ATG2B: variants seen among roughly 807,000 people sequenced by gnomAD.
ATG2B encodes the protein autophagy related 2B.
Under a neutral mutation model 241.3 loss-of-function variants are expected in ATG2B, and 121 were observed. The observed-to-expected ratio is 0.50, with a 90% confidence interval of 0.43 to 0.58. ATG2B has a LOEUF of 0.58. ATG2B is among the 20% of genes least tolerant of loss of function. The probability of loss-of-function intolerance (pLI) is 0.00; values close to 1 mark genes in which losing one functional copy is unlikely to be tolerated. For missense variants in ATG2B, 2,306 were observed against 2,491.6 expected (o/e 0.93, Z 1.59); for synonymous variants, 858 against 876.6 (o/e 0.98, Z 0.37).
chr14:96,295,422 TAAC>T lies in ATG2B; in HGVS notation c.5218+57_5218+59del, dbSNP rs1886610345. The T allele has an allele frequency of 1.7e-5, 20 of 1,201,132 alleles. No homozygotes were observed. In the South Asian group the frequency reaches 1.7e-4, roughly 10 times the overall value. 74.4% of individuals were successfully genotyped at this position (1,201,132 alleles called of 1,614,324 possible). A position where few individuals can be genotyped will look rare whatever the true frequency, so the allele number is the denominator to read the frequency against. Reference sequence around the variant, plus strand: ...TAAGTACATTCTCAAAAAAGCCTCATAACAATTAAAATCAATCCAAGTACTTGG... The same window carrying T: ...TAAGTACATTCTCAAAAAAGCCTCATAATTAAAATCAATCCAAGTACTTGG... On this transcript the variant is annotated intron_variant, in intron 35 of 41. Transcript: ENST00000359933.
intron 18 of ATG2B, among the ~76,000 whole-genome samples, chr14:96,318,966 A>C (rs1283065066): frequency 6.6e-6 from 1 of 152,196 alleles, no homozygotes; most frequent in Non-Finnish European, 1.5e-5. Context: ...TGTGCCTAGC[A>C]CAGTGGCTGT....
intron 36 of ATG2B, among the ~76,000 whole-genome samples, chr14:96,294,456 G>A (rs941103109): frequency 6.6e-6 from 1 of 152,190 alleles, no homozygotes; most frequent in African/African-American, 2.4e-5. Flanking sequence ...CACAGCCGAC[G>A]GCAGCAGCAC....
At chr14:96,349,945 G>A (rs1888269995) in intron 1 of ATG2B, among the ~76,000 whole-genome samples, 2 of 152,080 alleles carry the variant, frequency 1.3e-5, no homozygotes, top group South Asian at 2.1e-4. Context: ...ATCTTGAGCT[G>A]AGCAGTTTGA....
chr14:96,359,026 T>C (rs1251401946), intron 1 of ATG2B, among the ~76,000 whole-genome samples: 1 of 152,176 alleles, frequency 6.6e-6, no homozygotes, highest in African/African-American at 2.4e-5. Context: ...ATAATTTTAT[T>C]AAACACCAAG....
At position 96,341,696 on chromosome 14, in the gene ATG2B, A is replaced by T. The variant is rs1888041326; in HGVS notation, c.750T>A (p.Thr250=). 6.4e-7 allele frequency: 1 copy of T among 1,553,670 alleles called. No individual in the cohort carries two copies. Among genetic ancestry groups the T allele is most frequent in the Middle Eastern group, 1.7e-4 (1 of 5,806 alleles). The change falls in exon 6 of 42, where the codon ACT becomes ACA. Residue 250 remains threonine (T), a synonymous_variant. Coordinates refer to ENST00000359933, the MANE Select transcript of ATG2B (RefSeq NM_018036.7). ...TCCAGCTAGGTGAGAGCTTTGGCTC[A>T]GTTTCCTACAATAAAGTGACAAAAA... ...SPVCSTAPVE[T]EPKLSPSWNP... is the part of the protein sequence containing the mutation.
rs1886262558 is a variant in ATG2B, at chr14:96,283,711, A to G, written c.*2044T>C. On this transcript the variant is annotated 3_prime_UTR_variant, in exon 42 of 42. Transcript: ENST00000359933. ...TGTAAAAAAGAAAAAGCTTAAGGAC[A>G]TTTAATAATGTAGAAGTGTTCCGAT... 1 of 152,224 alleles carries G rather than the reference A, an allele frequency of 6.6e-6. No homozygotes were observed. The highest frequency in any genetic ancestry group is 1.5e-5 in the Non-Finnish European group (1 of 68,036). The allele number at this position is 152,224 out of a possible 1,614,324, so 9.4% of individuals were successfully genotyped here. A position where few individuals can be genotyped will look rare whatever the true frequency, so the allele number is the denominator to read the frequency against.
At chr14:96,338,323 T>C (rs981828724) in intron 6 of ATG2B, among the ~76,000 whole-genome samples, 4 of 152,152 alleles carry the variant, frequency 2.6e-5, no homozygotes, top group African/African-American at 9.7e-5. Context: ...CAGTACTATG[T>C]TGAATAGAAG....
At chr14:96,341,819 G>T in intron 5 of ATG2B, 118 bp from the exon 6 acceptor site, 2 of 813,636 alleles carry the variant, frequency 2.5e-6, no homozygotes, top group Non-Finnish European at 3.6e-6. Flanking sequence ...ACTGTATGAT[G>T]TTACAATGGA....
In ATG2B at chr14:96,308,243, TATATATATACACAC is replaced by T. The variant is rs199897056; in HGVS notation, c.4303+1196_4303+1209del. 7.4e-3 allele frequency among the ~76,000 whole-genome samples: 157 copies of T among 21,202 alleles called. 2 individuals are homozygous for T. The highest frequency in any genetic ancestry group is 1.0e-2 in the Non-Finnish European group (110 of 11,016). 13.9% of individuals were successfully genotyped at this position (21,202 alleles called of 152,430 possible). On this transcript the variant is annotated intron_variant, in intron 29 of 41. Coordinates refer to ENST00000359933, the MANE Select transcript of ATG2B (RefSeq NM_018036.7). ...AAATATATATATACATATATATATATATATATATACACACATATATATATATATATATATATATA... is the reference window on the plus strand; with the variant it reads ...AAATATATATATACATATATATATATATATATATATATATATATATATATA...
chr14:96,347,447 T>A, intron 1 of ATG2B, 106 bp from the exon 2 acceptor site: 1 of 810,988 alleles, frequency 1.2e-6, no homozygotes, highest in Non-Finnish European at 1.8e-6. Context: ...GCACTAGGTA[T>A]AAAGAAAGCA....
At chr14:96,302,161 T>TTC (rs1886810802) in intron 33 of ATG2B, 53 bp from the exon 34 acceptor site, 2 of 1,128,098 alleles carry the variant, frequency 1.8e-6, no homozygotes, top group Non-Finnish European at 2.6e-6. Flanking sequence ...GATGACCTTC[T>TTC]TCTCTTTAAA....
chr14:96,302,251 T>A (rs1886813202), intron 33 of ATG2B, 143 bp from the exon 34 acceptor site: 1 of 609,488 alleles, frequency 1.6e-6, no homozygotes, highest in Non-Finnish European at 2.8e-6. Context: ...TCCTTAAAAG[T>A]CTGAATCAAA....
At chr14:96,317,963 G>A (rs1001310708) in intron 18 of ATG2B, 108 bp from the exon 19 acceptor site, 19 of 764,048 alleles carry the variant, frequency 2.5e-5, no homozygotes, top group South Asian at 3.0e-5. Context: ...TTTTTTAAAC[G>A]GCAAAATGGA....
Position 96,322,268 on chromosome 14 carries a change from G to A in ATG2B, c.2737-14C>T. 1 of 1,576,830 alleles carries A rather than the reference G, an allele frequency of 6.3e-7. No individual in the cohort carries two copies. The highest frequency in any genetic ancestry group is 1.4e-5 in the African/African-American group (1 of 72,038). On this transcript the variant is annotated splice_polypyrimidine_tract_variant and intron_variant, in intron 17 of 41. Coordinates refer to ENST00000359933, the MANE Select transcript of ATG2B (RefSeq NM_018036.7). Reference sequence around the variant, plus strand: ...TGGCATCACCATCTAAAACATAATAGTTCAGTGCAAAAAAAAAGGCATCCA... The same window carrying A: ...TGGCATCACCATCTAAAACATAATAATTCAGTGCAAAAAAAAAGGCATCCA...
intron 41 of ATG2B, among the ~76,000 whole-genome samples, chr14:96,286,803 C>T (rs1886346051): frequency 6.6e-6 from 1 of 152,038 alleles, no homozygotes; most frequent in Admixed American, 6.5e-5. Context: ...ATTGTGACAG[C>T]TTCAGTGATG....
rs142045987 is a variant in ATG2B, at chr14:96,361,724, G to A, written c.162+1091C>T. Among the ~76,000 whole-genome samples the A allele has an allele frequency of 5.4e-3, 816 of 152,094 alleles. 28 individuals are homozygous for A. The South Asian group carries it at 0.067, about 13-fold the overall frequency. ...TGGCGGTCTGGAGAGTCTCTCCAGG[G>A]GTAGGACTCTCACCTCCTGGTGAGC... On this transcript the variant is annotated intron_variant, in intron 1 of 41. Coordinates refer to ENST00000359933, the MANE Select transcript of ATG2B (RefSeq NM_018036.7).
In ATG2B at chr14:96,358,835, C is replaced by CAGCAAAT. The variant is rs1040937120; in HGVS notation, c.162+3973_162+3979dup. On this transcript the variant is annotated intron_variant, in intron 1 of 41. Coordinates refer to ENST00000359933, the MANE Select transcript of ATG2B (RefSeq NM_018036.7). ...TAAAAGTGGAGACACCTGAACTACT[C>CAGCAAAT]AGCAAATAAATGCCCCACCATAGAG... Among the ~76,000 whole-genome samples the CAGCAAAT allele has an allele frequency of 4.2e-4, 64 of 152,142 alleles. 1 individual carries two copies. Among genetic ancestry groups the CAGCAAAT allele is most frequent in the Middle Eastern group, 6.8e-3 (2 of 294 alleles).
intron 12 of ATG2B, among the ~76,000 whole-genome samples, 178 bp from the exon 13 acceptor site, chr14:96,328,944 G>C (rs931899442): frequency 6.6e-6 from 1 of 152,202 alleles, no homozygotes; most frequent in Admixed American, 6.5e-5. Flanking sequence ...TATCTCATCT[G>C]TAAAATGTAG....
chr14:96,297,656 C>T (rs1260786447), intron 34 of ATG2B, among the ~76,000 whole-genome samples: 2 of 152,156 alleles, frequency 1.3e-5, no homozygotes, highest in African/African-American at 4.8e-5. Context: ...CTCGGCCTCC[C>T]AAAGTGCTGA....
Sources: gnomAD v4.1 joint callset for allele counts (sites outside exome capture counted in the v4.1 genomes callset) on GRCh38, gnomAD v4.1.1 for gene constraint, MANE v1.5 for transcripts, NCBI Gene and HGNC (gene_info 2026-07-23, HGNC 2026-07-21) for gene names.